ARB2A: variants seen among roughly 807,000 people sequenced by gnomAD.
ARB2A encodes the protein cotranscriptional regulator ARB2A.
chr5:94,017,471 T>C, the ARB2A span, among the ~76,000 whole-genome samples: 1 of 152,196 alleles, frequency 6.6e-6, no homozygotes, highest in Non-Finnish European at 1.5e-5. Context: ...GAACAGATGT[T>C]ATGTGAAGTA....
At chr5:93,981,917 G>A in the ARB2A span, among the ~76,000 whole-genome samples, 29 of 152,088 alleles carry the variant, frequency 1.9e-4, no homozygotes, top group African/African-American at 6.7e-4. Flanking sequence ...ACTGAAGTCT[G>A]CAGAGTACAC....
At chr5:93,874,108 G>A in the ARB2A span, among the ~76,000 whole-genome samples, 1 of 152,124 alleles carries the variant, frequency 6.6e-6, no homozygotes, top group African/African-American at 2.4e-5. Flanking sequence ...TGATTCCTAT[G>A]TAATATTGCT....
the ARB2A span, among the ~76,000 whole-genome samples, chr5:93,800,324 T>G: frequency 1.3e-5 from 2 of 151,612 alleles, no homozygotes; most frequent in Non-Finnish European, 2.9e-5. Context: ...AAATTACTCA[T>G]GTTAAAAATC....
At chr5:93,729,498 A>G in the ARB2A span, among the ~76,000 whole-genome samples, 1 of 152,026 alleles carries the variant, frequency 6.6e-6, no homozygotes, top group African/African-American at 2.4e-5. Flanking sequence ...AAATGGCCAA[A>G]CATTGCTATG....
At chr5:93,780,933 ACC>A in the ARB2A span, among the ~76,000 whole-genome samples, 62 of 152,174 alleles carry the variant, frequency 4.1e-4, no homozygotes, top group Non-Finnish European at 2.1e-4. Context: ...ATATTACTTA[ACC>A]TTTGTTCTGT....
chr5:93,730,834 G>T, the ARB2A span, among the ~76,000 whole-genome samples: 1 of 152,156 alleles, frequency 6.6e-6, no homozygotes, highest in Non-Finnish European at 1.5e-5. Flanking sequence ...TTTTACTGAT[G>T]AGAGTTCAAT....
chr5:94,020,288 C>CG, the ARB2A span, among the ~76,000 whole-genome samples: 1 of 144,204 alleles, frequency 6.9e-6, no homozygotes, highest in Admixed American at 7.0e-5. Flanking sequence ...GGGTAGGGGG[C>CG]TGGGGAGGGA....
At chr5:93,678,263 T>A in the ARB2A span, among the ~76,000 whole-genome samples, 5 of 152,206 alleles carry the variant, frequency 3.3e-5, no homozygotes, top group African/African-American at 1.2e-4. Flanking sequence ...ACTGTCTGTA[T>A]CGTATCAAAT....
the ARB2A span, among the ~76,000 whole-genome samples, chr5:94,066,352 TA>T: frequency 0.72 from 108,592 of 150,834 alleles, 40,611 homozygotes; most frequent in South Asian, 0.85. Context: ...GAAATACAGA[TA>T]AAAAAATCAA....
the ARB2A span, among the ~76,000 whole-genome samples, chr5:93,803,810 T>C: frequency 2.6e-5 from 4 of 151,888 alleles, no homozygotes; most frequent in Non-Finnish European, 5.9e-5. Flanking sequence ...GGGGAATGTA[T>C]GAATAAACGT....
chr5:93,762,864 T>G, the ARB2A span, among the ~76,000 whole-genome samples: 1 of 152,068 alleles, frequency 6.6e-6, no homozygotes, highest in East Asian at 1.9e-4. Flanking sequence ...TGGCAGAAAC[T>G]CTACAAGCCA....
chr5:93,936,973 C>T, the ARB2A span, among the ~76,000 whole-genome samples: 29 of 145,226 alleles, frequency 2.0e-4, no homozygotes, highest in Non-Finnish European at 3.7e-4. Flanking sequence ...CGGAGTCTCG[C>T]TCTGTCACCC....
chr5:93,703,906 C>A, the ARB2A span, among the ~76,000 whole-genome samples: 108 of 152,276 alleles, frequency 7.1e-4, no homozygotes, highest in Admixed American at 1.2e-3. Context: ...GAAAACAGCA[C>A]CCTATCAGCA....
the ARB2A span, among the ~76,000 whole-genome samples, chr5:93,854,670 G>C: frequency 6.6e-6 from 1 of 152,050 alleles, no homozygotes; most frequent in East Asian, 1.9e-4. Flanking sequence ...TGTTCTCTTT[G>C]GTTTCAAAGA....
the ARB2A span, among the ~76,000 whole-genome samples, chr5:93,985,404 C>A: frequency 4.0e-5 from 6 of 151,690 alleles, no homozygotes; most frequent in Admixed American, 2.0e-4. Flanking sequence ...TGGTCTCCCC[C>A]TCTCCCTCTT....
chr5:93,651,435 C>A, the ARB2A span, among the ~76,000 whole-genome samples: 1 of 152,054 alleles, frequency 6.6e-6, no homozygotes, highest in East Asian at 1.9e-4. Context: ...TGTGCCTGGC[C>A]AAGAATATGA....
At chr5:93,794,580 C>T in the ARB2A span, among the ~76,000 whole-genome samples, 1 of 152,108 alleles carries the variant, frequency 6.6e-6, no homozygotes, top group Non-Finnish European at 1.5e-5. Context: ...TCAAGGGCTG[C>T]CATTCAGATT....
the ARB2A span, among the ~76,000 whole-genome samples, chr5:94,063,637 GC>G: frequency 6.6e-6 from 1 of 152,042 alleles, no homozygotes; most frequent in African/African-American, 2.4e-5. Flanking sequence ...TGCCTGTGCT[GC>G]CAAAACTAGA....
the ARB2A span, among the ~76,000 whole-genome samples, chr5:94,063,407 G>T: frequency 1.3e-5 from 2 of 152,104 alleles, no homozygotes; most frequent in East Asian, 1.9e-4. Context: ...ACAAAATCGT[G>T]AACTGCTCAG....
Sources: allele counts gnomAD v4.1 joint callset (sites outside exome capture counted in the v4.1 genomes callset), GRCh38; gene constraint gnomAD v4.1.1; transcripts MANE v1.5; gene names NCBI Gene and HGNC (gene_info 2026-07-23, HGNC 2026-07-21).